GRM7: variants seen among roughly 807,000 people sequenced by gnomAD.
GRM7 encodes the protein glutamate metabotropic receptor 7.
GRM7 carries 35 observed loss-of-function variants against 84.5 expected under a neutral mutation model. The ratio of observed to expected loss-of-function variants is 0.41; its 90% CI spans 0.32 to 0.55. The LOEUF (loss-of-function observed/expected upper bound fraction) is 0.55, where lower values mean the gene tolerates loss of function less well. GRM7 is among the 20% of genes least tolerant of loss of function. The pLI, the probability that GRM7 is intolerant of heterozygous loss-of-function variation, is 0.19. For synonymous variants in GRM7, 487 were observed against 455.1 expected, an observed-to-expected ratio of 1.07 and a Z score of -0.89; for missense variants, 1,003 against 1,194.6, an observed-to-expected ratio of 0.84 and a Z score of 2.36.
intron 7 of GRM7, among the ~76,000 whole-genome samples, chr3:7,549,710 G>A (rs1693351472): frequency 6.6e-6 from 1 of 152,186 alleles, no homozygotes; most frequent in African/African-American, 2.4e-5. Context: ...TTTTCTAAAG[G>A]CAAAATCAGG....
At chr3:7,719,598 G>A (rs1701872256) in intron 9 of GRM7, among the ~76,000 whole-genome samples, 1 of 152,102 alleles carries the variant, frequency 6.6e-6, no homozygotes, top group South Asian at 2.1e-4. Flanking sequence ...GGATCATGAG[G>A]TCAGGAGATC....
chr3:7,417,506 G>T (rs1006400244), intron 5 of GRM7, among the ~76,000 whole-genome samples: 3 of 152,132 alleles, frequency 2.0e-5, no homozygotes, highest in Admixed American at 6.6e-5. Context: ...CAGTGGGAAA[G>T]GTAACCTGGT....
intron 1 of GRM7, among the ~76,000 whole-genome samples, chr3:6,971,266 C>T (rs1366115915): frequency 2.0e-5 from 3 of 152,046 alleles, no homozygotes; most frequent in Non-Finnish European, 4.4e-5. Context: ...AAAAGCCATA[C>T]CTACCAATAA....
Position 6,935,232 on chromosome 3 carries a change from G to GTTA in GRM7, c.519+73328_519+73330dup, listed in dbSNP as rs1697645334. Among the ~76,000 whole-genome samples, 7 of 152,240 alleles carry GTTA rather than the reference G, an allele frequency of 4.6e-5. No homozygotes were observed. The South Asian group carries it at 1.4e-3, about 32-fold the overall frequency. On this transcript the variant is annotated intron_variant, in intron 1 of 9. Transcript: ENST00000357716. The stretch of plus-strand genomic sequence containing the variant: ...ACTTGATTCCACAAAATCAGTAAGA[G>GTTA]TTATTGATTATGCCTTAAATGTGTA...
At chr3:7,098,534 A>G (rs530391355) in intron 1 of GRM7, among the ~76,000 whole-genome samples, 1 of 152,030 alleles carries the variant, frequency 6.6e-6, no homozygotes, top group Non-Finnish European at 1.5e-5. Context: ...AACTTCATAT[A>G]TCACTTGTCC....
intron 1 of GRM7, among the ~76,000 whole-genome samples, chr3:6,876,198 G>A (rs1001230908): frequency 2.0e-4 from 30 of 151,818 alleles, no homozygotes; most frequent in African/African-American, 7.0e-4. Context: ...AACCCGGGAG[G>A]CAGCGGTAGC....
At chr3:7,015,951 G>C (rs1695549013) in intron 1 of GRM7, among the ~76,000 whole-genome samples, 1 of 152,146 alleles carries the variant, frequency 6.6e-6, no homozygotes, top group African/African-American at 2.4e-5. Context: ...GGGTAATCAG[G>C]CTACACCCTT....
At chr3:7,352,692 A>C (rs1693214843) in intron 4 of GRM7, among the ~76,000 whole-genome samples, 1 of 152,044 alleles carries the variant, frequency 6.6e-6, no homozygotes, top group Non-Finnish European at 1.5e-5. Context: ...TGAAGTCATA[A>C]ATATTGAGCT....
At chr3:7,396,597 C>T (rs1412581067) in intron 4 of GRM7, among the ~76,000 whole-genome samples, 1 of 152,016 alleles carries the variant, frequency 6.6e-6, no homozygotes. Context: ...AATAGTGTTT[C>T]ATGCAATTTT....
intron 7 of GRM7, among the ~76,000 whole-genome samples, chr3:7,481,887 A>C (rs1699143326): frequency 6.6e-6 from 1 of 152,196 alleles, no homozygotes; most frequent in Non-Finnish European, 1.5e-5. Flanking sequence ...GCATTTTGCT[A>C]ATTAGAAATG....
At chr3:7,166,774 G>A (rs755237050) in intron 2 of GRM7, among the ~76,000 whole-genome samples, 3 of 152,154 alleles carry the variant, frequency 2.0e-5, no homozygotes, top group Non-Finnish European at 4.4e-5. Context: ...CAGTCCCTGG[G>A]CAGAGCAGAA....
At chr3:7,041,281 A>G (rs1260522995) in intron 1 of GRM7, among the ~76,000 whole-genome samples, 1 of 151,116 alleles carries the variant, frequency 6.6e-6, no homozygotes, top group South Asian at 2.1e-4. Context: ...GTCTCCCTCT[A>G]ATTCTCCTGA....
At chr3:7,087,411 C>T (rs1698498357) in intron 1 of GRM7, among the ~76,000 whole-genome samples, 1 of 147,888 alleles carries the variant, frequency 6.8e-6, no homozygotes, top group Non-Finnish European at 1.5e-5. Flanking sequence ...TTTTTTACCC[C>T]AACCGAAAAA....
chr3:7,237,329 G>T (rs1041259293), intron 2 of GRM7, among the ~76,000 whole-genome samples: 5 of 152,162 alleles, frequency 3.3e-5, no homozygotes, highest in African/African-American at 1.2e-4. Context: ...CTGTAGAATA[G>T]CTAGTGAATA....
In GRM7 at chr3:7,505,721, C is replaced by T. The variant is rs554385355; in HGVS notation, c.1515+43999C>T. On this transcript the variant is annotated intron_variant, in intron 7 of 9. Coordinates refer to ENST00000357716, the MANE Select transcript of GRM7 (RefSeq NM_000844.4). The stretch of plus-strand genomic sequence containing the variant: ...ATTTGAGCCATAGCTGGAGAGGCCA[C>T]CATGTGCTGGAATGCAGAGAGCAGA... Among the ~76,000 whole-genome samples the T allele has an allele frequency of 8.5e-5, 13 of 152,276 alleles. No homozygotes were observed. In the South Asian group the frequency reaches 2.7e-3, roughly 32 times the overall value.
chr3:6,914,943 G>A (rs1000449562), intron 1 of GRM7, among the ~76,000 whole-genome samples: 3 of 152,054 alleles, frequency 2.0e-5, no homozygotes, highest in South Asian at 2.1e-4. Context: ...CAGCTAGGCC[G>A]ATATTTTTGA....
chr3:7,329,835 G>A (rs984481685), intron 4 of GRM7, among the ~76,000 whole-genome samples: 1 of 152,030 alleles, frequency 6.6e-6, no homozygotes, highest in African/African-American at 2.4e-5. Context: ...TAACATATAT[G>A]CATCTATTTC....
chr3:7,410,398 C>G (rs1695874480), intron 4 of GRM7, among the ~76,000 whole-genome samples: 1 of 151,808 alleles, frequency 6.6e-6, no homozygotes, highest in Non-Finnish European at 1.5e-5. Context: ...TGGTGAGATC[C>G]TATCTCTACA....
At chr3:7,107,477 T>G (rs1429948440) in intron 1 of GRM7, among the ~76,000 whole-genome samples, 1 of 152,048 alleles carries the variant, frequency 6.6e-6, no homozygotes, top group Non-Finnish European at 1.5e-5. Context: ...ATGAGTAATA[T>G]AACAAAGATG....
Sources: gnomAD v4.1 joint callset for allele counts (sites outside exome capture counted in the v4.1 genomes callset) on GRCh38, gnomAD v4.1.1 for gene constraint, MANE v1.5 for transcripts, NCBI Gene and HGNC (gene_info 2026-07-23, HGNC 2026-07-21) for gene names.